GLP2R: variants seen among roughly 807,000 people sequenced by gnomAD.
GLP2R encodes the protein glucagon-like peptide 2 receptor.
GLP2R carries 59 observed loss-of-function variants against 68.2 expected under a neutral mutation model. The observed-to-expected ratio is 0.87, with a 90% CI of 0.70 to 1.07. The LOEUF (loss-of-function observed/expected upper bound fraction) is 1.07, where lower values mean the gene tolerates loss of function less well. GLP2R is among the 50% of genes least tolerant of loss of function. GLP2R has a pLI of 0.00. For synonymous variants in GLP2R, 270 were observed against 265.4 expected (o/e 1.02, Z -0.17); for missense variants, 548 against 677.4 (o/e 0.81, Z 2.12).
At chr17:9,854,747 CTA>C in intron 5 of GLP2R, 146 bp downstream of exon 5, 1 of 637,110 alleles carries the variant, frequency 1.6e-6, no homozygotes, top group Non-Finnish European at 2.8e-6. Flanking sequence ...AGAACCAACC[CTA>C]TGTTTGGTTC....
At chr17:9,853,180 A>G in intron 4 of GLP2R, 1 of 410,608 alleles carries the variant, frequency 2.4e-6, no homozygotes, top group Non-Finnish European at 4.5e-6. Context: ...CAATTCTTAA[A>G]GATAAGTGGT....
In GLP2R at chr17:9,870,850, G is replaced by T. The variant is rs763879567; in HGVS notation, c.1145+15G>T. 3 of 1,264,178 alleles carry T rather than the reference G, an allele frequency of 2.4e-6. No individual in the cohort carries two copies. The highest frequency in any genetic ancestry group is 2.3e-5 in the East Asian group (1 of 43,232). The allele number at this position is 1,264,178 out of a possible 1,614,324, so 78.3% of individuals were successfully genotyped here. A position where few individuals can be genotyped will look rare whatever the true frequency, so the allele number is the denominator to read the frequency against. On this transcript the variant is annotated intron_variant, in intron 10 of 12. Coordinates refer to ENST00000262441, the MANE Select transcript of GLP2R (RefSeq NM_004246.3). Reference sequence around the variant, plus strand: ...TATAAATACAGGTGAGTGGCTTAAGGTTGGTCCCCAGCAGTCCAAGGTTAT... The same window carrying T: ...TATAAATACAGGTGAGTGGCTTAAGTTTGGTCCCCAGCAGTCCAAGGTTAT...
intron 1 of GLP2R, among the ~76,000 whole-genome samples, chr17:9,827,520 G>A (rs929656813): frequency 2.6e-5 from 4 of 152,148 alleles, no homozygotes; most frequent in African/African-American, 9.7e-5. Context: ...CTATCGTTGG[G>A]CATGCTGGTA....
At chr17:9,876,111 G>A (rs913583541) in intron 10 of GLP2R, among the ~76,000 whole-genome samples, 6 of 152,058 alleles carry the variant, frequency 3.9e-5, no homozygotes, top group Non-Finnish European at 5.9e-5. Context: ...TCCCAACCTC[G>A]GGTGATTCGC....
At position 9,890,120 on chromosome 17, in the gene GLP2R, A is replaced by G; in HGVS notation, c.*415A>G. The G allele has an allele frequency of 2.2e-6, 1 of 453,244 alleles. No homozygotes were observed. Among genetic ancestry groups the G allele is most frequent in the South Asian group, 1.6e-5 (1 of 63,960 alleles). The allele number at this position is 453,244 out of a possible 1,614,324, so 28.1% of individuals were successfully genotyped here. On this transcript the variant is annotated 3_prime_UTR_variant, in exon 13 of 13. Transcript: ENST00000262441. ...CGTGAAAACCTCCTAGGAAGCTTTT[A>G]AAATGCAGAATCCTAGACTTGTGGC...
chr17:9,850,149 G>T (rs567545546), intron 4 of GLP2R, among the ~76,000 whole-genome samples: 1 of 152,142 alleles, frequency 6.6e-6, no homozygotes, highest in African/African-American at 2.4e-5. Context: ...ATATTGGTTA[G>T]GAAGCTTCTC....
intron 10 of GLP2R, among the ~76,000 whole-genome samples, chr17:9,879,629 G>A (rs1318324516): frequency 6.6e-6 from 1 of 152,170 alleles, no homozygotes; most frequent in Non-Finnish European, 1.5e-5. Context: ...CCACGTTTGG[G>A]AACCACCAGT....
rs149368836 is a variant in GLP2R, at chr17:9,886,287, C to T, written c.1285-1645C>T. On this transcript the variant is annotated intron_variant, in intron 11 of 12. Transcript: ENST00000262441. ...GTGGAGCTTTGGAGAGACTGCCAAA[C>T]AGCGGTGACATATGAAGTAAGAGCC... Among the ~76,000 whole-genome samples the T allele has an allele frequency of 1.1e-4, 17 of 152,324 alleles. No individual in the cohort carries two copies. In the East Asian group the frequency reaches 3.3e-3, roughly 29 times the overall value.
At chr17:9,874,289 C>T (rs917826906) in intron 10 of GLP2R, among the ~76,000 whole-genome samples, 1 of 152,082 alleles carries the variant, frequency 6.6e-6, no homozygotes, top group African/African-American at 2.4e-5. Flanking sequence ...GAAAGAGCAA[C>T]CCTGCCTGAC....
At chr17:9,873,556 C>CTT (rs3073988) in intron 10 of GLP2R, among the ~76,000 whole-genome samples, 1,206 of 51,990 alleles carry the variant, frequency 0.023, 150 homozygotes, top group Middle Eastern at 0.037. Flanking sequence ...TATGCATGGA[C>CTT]TTTTTTTTTT....
intron 4 of GLP2R, among the ~76,000 whole-genome samples, chr17:9,852,479 T>C (rs1392480378): frequency 2.0e-5 from 3 of 152,188 alleles, no homozygotes; most frequent in Non-Finnish European, 4.4e-5. Context: ...AGCATTCTTA[T>C]ATTAGAAAAT....
chr17:9,872,731 C>T (rs1486919871), intron 10 of GLP2R, among the ~76,000 whole-genome samples: 11 of 152,172 alleles, frequency 7.2e-5, no homozygotes, highest in African/African-American at 2.7e-4. Flanking sequence ...TGGCCTTAGG[C>T]AAGTGCCTTG....
chr17:9,881,740 A>C (rs1056753412), intron 11 of GLP2R, among the ~76,000 whole-genome samples: 1 of 152,176 alleles, frequency 6.6e-6, no homozygotes, highest in African/African-American at 2.4e-5. Flanking sequence ...GCATTCTGTC[A>C]TTTAAAGCAA....
intron 11 of GLP2R, among the ~76,000 whole-genome samples, chr17:9,884,832 G>T (rs1597406444): frequency 6.6e-6 from 1 of 151,978 alleles, no homozygotes; most frequent in Non-Finnish European, 1.5e-5. Context: ...TGGAATTTTT[G>T]TGTTCCTGGC....
Position 9,887,935 on chromosome 17 carries a change from T to A in GLP2R, c.1288T>A (p.Phe430Ile). Residue 430 changes from phenylalanine to isoleucine, a missense_variant, in exon 12 of 13, where the codon TTC (phenylalanine) becomes ATC (isoleucine). Coordinates refer to ENST00000262441, the MANE Select transcript of GLP2R (RefSeq NM_004246.3). ...IQLTLSSFHG[F>I]LVALQYGFAN... Reference sequence around the variant, plus strand: ...CCATGTCCTCCTTTTGTTTCAGGGGTTCCTGGTGGCCTTGCAGTATGGTTT... The same window carrying A: ...CCATGTCCTCCTTTTGTTTCAGGGGATCCTGGTGGCCTTGCAGTATGGTTT... 2 of 1,611,274 alleles carry A rather than the reference T, an allele frequency of 1.2e-6. No homozygotes were observed. The highest frequency in any genetic ancestry group is 3.3e-5 in the Admixed American group (2 of 60,006).
At chr17:9,864,198 C>G (rs1322938786) in intron 9 of GLP2R, among the ~76,000 whole-genome samples, 2 of 152,194 alleles carry the variant, frequency 1.3e-5, no homozygotes, top group African/African-American at 4.8e-5. Context: ...TTGCTACAAC[C>G]TTGCTTTTCA....
chr17:9,884,864 G>A (rs905022), intron 11 of GLP2R, among the ~76,000 whole-genome samples: 77,357 of 151,800 alleles, frequency 0.51, 21,507 homozygotes, highest in African/African-American at 0.74. Context: ...TTAAAAGGTA[G>A]TCCTAAATTA....
At chr17:9,873,437 G>T (rs980355790) in intron 10 of GLP2R, among the ~76,000 whole-genome samples, 1 of 152,014 alleles carries the variant, frequency 6.6e-6, no homozygotes, top group African/African-American at 2.4e-5. Context: ...CCTACCACTG[G>T]GTATTCTGAC....
Position 9,842,593 on chromosome 17 carries a change from G to A in GLP2R, c.481G>A (p.Glu161Lys), listed in dbSNP as rs751519148. 3.5e-5 allele frequency: 57 copies of A among 1,613,806 alleles called. No individual in the cohort carries two copies. Among genetic ancestry groups the A allele is most frequent in the Non-Finnish European group, 4.5e-5 (53 of 1,180,002 alleles). ...DIWQDDSECS[E>K]NHSFKQNVDR... ...TTGGCAGGATGACTCCGAATGCTCCGAGAACCACAGCTTCAAGCAAAACGT... is the reference window on the plus strand; with the variant it reads ...TTGGCAGGATGACTCCGAATGCTCCAAGAACCACAGCTTCAAGCAAAACGT... Residue 161 changes from glutamate (E) to lysine (K), a missense_variant, in exon 4 of 13, where the codon GAG becomes AAG. By Grantham distance (56) the Glu-to-Lys change is moderately conservative. Coordinates refer to ENST00000262441, the MANE Select transcript of GLP2R (RefSeq NM_004246.3).
Sources: gnomAD v4.1 joint callset for allele counts (sites outside exome capture counted in the v4.1 genomes callset) on GRCh38, gnomAD v4.1.1 for gene constraint, MANE v1.5 for transcripts, NCBI Gene and HGNC (gene_info 2026-07-23, HGNC 2026-07-21) for gene names.